Variants in ATP5PB observed in about 807,000 individuals in gnomAD.
ATP5PB encodes ATP synthase peripheral stalk subunit b, mitochondrial.
ATP5PB carries 21 observed loss-of-function variants against 34.5 expected under a neutral mutation model. The ratio of observed to expected loss-of-function variants is 0.61; its 90% CI spans 0.43 to 0.88. The LOEUF (loss-of-function observed/expected upper bound fraction) is 0.88. Ranked by LOEUF, ATP5PB falls within the 40% of genes least tolerant of loss-of-function variation. ATP5PB has a pLI of 0.00. For synonymous variants in ATP5PB, 108 were observed against 114.1 expected (o/e 0.95, Z 0.34); for missense variants, 293 against 317.4 (o/e 0.92, Z 0.58).
rs752520640 is a variant in ATP5PB, at chr1:111,456,666, T to G, written c.424T>G (p.Ser142Ala). Residue 142 changes from serine to alanine, a missense_variant, in exon 5 of 7, where the codon TCC becomes GCC. Ser to Ala is a moderately conservative substitution (Grantham distance 99). Coordinates refer to ENST00000369722, the MANE Select transcript of ATP5PB (RefSeq NM_001688.5). Reference protein sequence around the residue: ...LAQLEEAKQASIQHIQNAIDT... With the variant: ...LAQLEEAKQAAIQHIQNAIDT... ...CCAACTAGAAGAGGCGAAGCAGGCT[T>G]CCATCCAACACATCCAGAATGCAAT... 3.1e-6 allele frequency: 5 copies of G among 1,613,640 alleles called. No individual in the cohort carries two copies. The South Asian group carries it at 5.5e-5, about 18-fold the overall frequency.
rs1653613289 is a variant in ATP5PB at position 111,461,220 on chromosome 1, A to G, written c.*226A>G. ...TGAGTTGTTCCGTGATCACTTCTGA[A>G]TAAGCAGTTTGCCTTTATAAAAACT... On this transcript the variant is annotated 3_prime_UTR_variant, in exon 7 of 7. Coordinates refer to ENST00000369722, the MANE Select transcript of ATP5PB (RefSeq NM_001688.5). The G allele has an allele frequency of 2.6e-6, 1 of 379,006 alleles. No homozygotes were observed. 23.5% of individuals were successfully genotyped at this position (379,006 alleles called of 1,614,324 possible).
At position 111,462,267 on chromosome 1, in the gene ATP5PB, C is replaced by A. The variant is rs1257023871; in HGVS notation, c.*1273C>A. 1 of 152,172 alleles carries A rather than the reference C, an allele frequency of 6.6e-6. No homozygotes were observed. The highest frequency in any genetic ancestry group is 1.5e-5 in the Non-Finnish European group (1 of 68,028). 9.4% of individuals were successfully genotyped at this position (152,172 alleles called of 1,614,324 possible). On this transcript the variant is annotated 3_prime_UTR_variant, in exon 7 of 7. Transcript: ENST00000369722. ...CATGCAATGGAATATTATTCCACTT[C>A]AAGGAAGAAAATTCTGACACTGGCT...
At chr1:111,455,947 T>G in intron 3 of ATP5PB, 139 bp from the exon 4 acceptor site, 1 of 680,172 alleles carries the variant, frequency 1.5e-6, no homozygotes, top group Non-Finnish European at 2.3e-6. Flanking sequence ...ACCATACTGC[T>G]TCCCAATCCA....
At chr1:111,458,332 T>G (rs1653528296) in intron 5 of ATP5PB, among the ~76,000 whole-genome samples, 1 of 152,164 alleles carries the variant, frequency 6.6e-6, no homozygotes, top group Admixed American at 6.5e-5. Context: ...ATAGACCCCC[T>G]TTCTACAAAA....
At chr1:111,457,722 T>TA (rs1653515673) in intron 5 of ATP5PB, among the ~76,000 whole-genome samples, 1 of 151,956 alleles carries the variant, frequency 6.6e-6, no homozygotes, top group African/African-American at 2.4e-5. Flanking sequence ...TTCCAAGACT[T>TA]ATGGAATCAG....
intron 6 of ATP5PB, 42 bp downstream of exon 6, chr1:111,459,678 T>C (rs1367665970): frequency 6.3e-7 from 1 of 1,579,868 alleles, no homozygotes; most frequent in African/African-American, 1.4e-5. Context: ...TACTGGTATC[T>C]CTTAACAAGT....
intron 2 of ATP5PB, 88 bp from the exon 3 acceptor site, chr1:111,454,123 A>G (rs1307419973): frequency 5.2e-6 from 7 of 1,339,882 alleles, no homozygotes; most frequent in Non-Finnish European, 6.9e-6. Flanking sequence ...CTCAATTATC[A>G]ACCCTATTTA....
chr1:111,459,324 A>G, intron 5 of ATP5PB, 133 bp from the exon 6 acceptor site: 1 of 807,098 alleles, frequency 1.2e-6, no homozygotes, highest in Non-Finnish European at 1.9e-6. Context: ...TTCTAGGTAC[A>G]TATTACCTAT....
At position 111,449,841 on chromosome 1, in the gene ATP5PB, C is replaced by G. The variant is rs1030115847; in HGVS notation, c.45C>G (p.Pro15=). 6.2e-7 allele frequency: 1 copy of G among 1,614,188 alleles called. No individual in the cohort carries two copies. Among genetic ancestry groups the G allele is most frequent in the South Asian group, 1.1e-5 (1 of 91,086 alleles). Residue 15 remains proline, a synonymous_variant, in exon 2 of 7, where the codon CCC becomes CCG. Coordinates refer to ENST00000369722, the MANE Select transcript of ATP5PB (RefSeq NM_001688.5). ...VVLSAAATAA[P]SLKNAAFLGP... ...CTTCGCCTTGTCTATCTGCAGCCCCCTCTCTGAAGAATGCAGCCTTCCTAG... is the reference window on the plus strand; with the variant it reads ...CTTCGCCTTGTCTATCTGCAGCCCCGTCTCTGAAGAATGCAGCCTTCCTAG...
chr1:111,462,163 A>G lies in ATP5PB; in HGVS notation c.*1169A>G, dbSNP rs1653640211. 1 of 152,236 alleles carries G rather than the reference A, an allele frequency of 6.6e-6. No homozygotes were observed. Among genetic ancestry groups the G allele is most frequent in the African/African-American group, 2.4e-5 (1 of 41,466 alleles). The allele number at this position is 152,236 out of a possible 1,614,324, so 9.4% of individuals were successfully genotyped here. On this transcript the variant is annotated 3_prime_UTR_variant, in exon 7 of 7. Transcript: ENST00000369722. ...CTTGTGTTCCATGGTGATAGCAGCCATTGTTCACAATAGCTAAAACATAGA... is the reference window on the plus strand; with the variant it reads ...CTTGTGTTCCATGGTGATAGCAGCCGTTGTTCACAATAGCTAAAACATAGA...
rs183887376 is a variant in ATP5PB at position 111,461,348 on chromosome 1, T to C, written c.*354T>C. The C allele has an allele frequency of 1.0e-3, 194 of 192,010 alleles. 1 individual carries two copies. Among genetic ancestry groups the C allele is most frequent in the African/African-American group, 4.0e-3 (171 of 42,418 alleles). The allele number at this position is 192,010 out of a possible 1,614,324, so 11.9% of individuals were successfully genotyped here. A position where few individuals can be genotyped will look rare whatever the true frequency, so the allele number is the denominator to read the frequency against. On this transcript the variant is annotated 3_prime_UTR_variant, in exon 7 of 7. Transcript: ENST00000369722. Reference sequence around the variant, plus strand: ...GAATGAAACAGGGTTTTTCAAGTTGTATAATTCTCTGAAATACTCAGCTTT... The same window carrying C: ...GAATGAAACAGGGTTTTTCAAGTTGCATAATTCTCTGAAATACTCAGCTTT...
chr1:111,452,930 C>G (rs902889821), intron 2 of ATP5PB, among the ~76,000 whole-genome samples: 1 of 152,158 alleles, frequency 6.6e-6, no homozygotes, highest in East Asian at 1.9e-4. Flanking sequence ...ATTGAGAAAC[C>G]TTGATGTAAA....
Position 111,454,069 on chromosome 1 carries a change from A to G in ATP5PB, c.78-142A>G, listed in dbSNP as rs1427840080. 3 of 909,166 alleles carry G rather than the reference A, an allele frequency of 3.3e-6. No individual in the cohort carries two copies. In the East Asian group the frequency reaches 9.0e-5, roughly 27 times the overall value. The allele number at this position is 909,166 out of a possible 1,614,324, so 56.3% of individuals were successfully genotyped here. Reference sequence around the variant, plus strand: ...CTGATTACTGGACCCTAACCTTCCCATTCCCAGTCCATTCTCTTTCCATTA... The same window carrying G: ...CTGATTACTGGACCCTAACCTTCCCGTTCCCAGTCCATTCTCTTTCCATTA... On this transcript the variant is annotated intron_variant, in intron 2 of 6. Transcript: ENST00000369722.
Position 111,454,349 on chromosome 1 carries a change from T to C in ATP5PB, c.216T>C (p.Gly72=). 6.3e-7 allele frequency: 1 copy of C among 1,597,480 alleles called. No individual in the cohort carries two copies. Among genetic ancestry groups the C allele is most frequent in the East Asian group, 2.2e-5 (1 of 44,562 alleles). Reference sequence around the variant, plus strand: ...TCCAGTTTCTTTATCCTAAAACTGGTGTAACAGGTGAGCATTTTTGCCTAG... The same window carrying C: ...TCCAGTTTCTTTATCCTAAAACTGGCGTAACAGGTGAGCATTTTTGCCTAG... ...EFFQFLYPKT[G]VTGPYVLGTG... Residue 72 remains glycine (G), a synonymous_variant, in exon 3 of 7, where the codon GGT becomes GGC. Coordinates refer to ENST00000369722, the MANE Select transcript of ATP5PB (RefSeq NM_001688.5).
chr1:111,454,225 C>CAAGG lies in ATP5PB; in HGVS notation c.94_97dup (p.Thr33LysfsTer18), dbSNP rs1215190569. ...ACTACCTGTAGGGTATTGCAGGCAACAAGGACCTTTCATACAGGGCAGCCA... is the reference window on the plus strand; with the variant it reads ...ACTACCTGTAGGGTATTGCAGGCAACAAGGAAGGACCTTTCATACAGGGCAGCCA... On this transcript the variant is annotated frameshift_variant, in exon 3 of 7. Transcript: ENST00000369722. LOFTEE classifies it high-confidence loss of function. 3.8e-6 allele frequency: 6 copies of CAAGG among 1,595,034 alleles called. No homozygotes were observed. In the Admixed American group the frequency reaches 5.5e-5, roughly 15 times the overall value.
intron 2 of ATP5PB, among the ~76,000 whole-genome samples, chr1:111,453,985 G>A (rs562170670): frequency 4.6e-5 from 7 of 152,324 alleles, no homozygotes; most frequent in East Asian, 1.9e-4. Context: ...TGATAGAAGG[G>A]ATTCCAGTAT....
intron 3 of ATP5PB, among the ~76,000 whole-genome samples, chr1:111,454,850 C>T (rs1016890511): frequency 3.3e-5 from 5 of 152,282 alleles, no homozygotes; most frequent in Admixed American, 1.3e-4. Context: ...ACAGCATTAT[C>T]TCTGTTTGTT....
intron 1 of ATP5PB, 58 bp from the exon 2 acceptor site, chr1:111,449,779 G>A (rs2101752428): frequency 6.2e-7 from 1 of 1,613,140 alleles, no homozygotes; most frequent in East Asian, 2.2e-5. Flanking sequence ...GCGGGGGTAA[G>A]GAAAGGGCAA....
intron 6 of ATP5PB, 57 bp downstream of exon 6, chr1:111,459,693 G>A: frequency 6.5e-7 from 1 of 1,536,368 alleles, no homozygotes; most frequent in Non-Finnish European, 8.9e-7. Context: ...ACAAGTATCT[G>A]CTGATGTTTT....
Sources: allele counts gnomAD v4.1 joint callset (sites outside exome capture counted in the v4.1 genomes callset), GRCh38; gene constraint gnomAD v4.1.1; transcripts MANE v1.5; gene names NCBI Gene and HGNC (gene_info 2026-07-23, HGNC 2026-07-21).